The following TMCC1 variants were observed in gnomAD, a reference collection of about 807,000 sequenced individuals.
TMCC1 encodes the protein transmembrane and coiled-coil domains protein 1.
In TMCC1, 15 loss-of-function variants were observed where a neutral mutation model predicts 52.4. The observed-to-expected ratio is 0.29, with a 90% confidence interval of 0.19 to 0.44. The LOEUF is 0.44. Among genes scored for constraint, TMCC1 ranks in the 20% least tolerant of loss-of-function variants. TMCC1 has a pLI of 1.00. For missense variants in TMCC1, 503 were observed against 806.0 expected (o/e 0.62, Z 4.55); for synonymous variants, 279 against 301.9 (o/e 0.92, Z 0.79).
At chr3:129,798,524 CAA>C (rs796919072) in intron 4 of TMCC1, among the ~76,000 whole-genome samples, 7 of 67,898 alleles carry the variant, frequency 1.0e-4, no homozygotes, top group Admixed American at 5.3e-4. Flanking sequence ...TCTTCCTATC[CAA>C]AAAAAAAAAA....
At chr3:129,872,287 T>A (rs1267201753) in intron 2 of TMCC1, among the ~76,000 whole-genome samples, 1 of 152,060 alleles carries the variant, frequency 6.6e-6, no homozygotes, top group Non-Finnish European at 1.5e-5. Context: ...GCACTATAAA[T>A]CCCAGTGAAA....
chr3:129,730,224 T>C (rs976522750), intron 4 of TMCC1, among the ~76,000 whole-genome samples: 1 of 152,158 alleles, frequency 6.6e-6, no homozygotes, highest in Admixed American at 6.5e-5. Context: ...ATATGCAGCA[T>C]GCCCTTTAAT....
chr3:129,706,637 A>T (rs1464848709), intron 4 of TMCC1, among the ~76,000 whole-genome samples: 1 of 152,222 alleles, frequency 6.6e-6, no homozygotes, highest in Non-Finnish European at 1.5e-5. Flanking sequence ...TCAAGTGGAT[A>T]CATTAACACA....
chr3:129,720,605 G>A (rs577806104), intron 4 of TMCC1, among the ~76,000 whole-genome samples: 5 of 152,240 alleles, frequency 3.3e-5, no homozygotes, highest in African/African-American at 7.2e-5. Context: ...ATAATGACAC[G>A]AGGCAAGACC....
chr3:129,870,950 G>GT (rs926353948), intron 2 of TMCC1, among the ~76,000 whole-genome samples: 1 of 151,856 alleles, frequency 6.6e-6, no homozygotes, highest in Non-Finnish European at 1.5e-5. Flanking sequence ...CTGTACCTCT[G>GT]TAAGTGTTCA....
At chr3:129,874,519 T>G (rs1199613115) in intron 2 of TMCC1, among the ~76,000 whole-genome samples, 1 of 151,738 alleles carries the variant, frequency 6.6e-6, no homozygotes, top group Non-Finnish European at 1.5e-5. Flanking sequence ...ATCAGCGTTG[T>G]CAACATAGCA....
At chr3:129,759,598 T>A in intron 4 of TMCC1, among the ~76,000 whole-genome samples, 1 of 150,336 alleles carries the variant, frequency 6.7e-6, no homozygotes, top group African/African-American at 2.4e-5. Context: ...TTTTTTTTTT[T>A]TAAGAGACAT....
intron 5 of TMCC1, among the ~76,000 whole-genome samples, chr3:129,657,110 G>A (rs1468451996): frequency 6.6e-6 from 1 of 152,122 alleles, no homozygotes; most frequent in Non-Finnish European, 1.5e-5. Context: ...ATATCTGGCA[G>A]GAAATTACTC....
intron 2 of TMCC1, among the ~76,000 whole-genome samples, chr3:129,843,794 A>G (rs1386739687): frequency 6.6e-6 from 1 of 151,356 alleles, no homozygotes; most frequent in African/African-American, 2.4e-5. Flanking sequence ...TCGACCAACC[A>G]TTTAAATAAG....
In TMCC1 at chr3:129,677,991, A is replaced by G. The variant is rs186690211; in HGVS notation, c.577-6727T>C. Among the ~76,000 whole-genome samples the G allele has an allele frequency of 2.8e-4, 43 of 152,286 alleles. No individual in the cohort carries two copies. In the East Asian group the frequency reaches 7.3e-3, roughly 26 times the overall value. ...GCCCAGGCTGGGGTGCAGTAGCATG[A>G]TCTTGGCTCACTGCAACCTCTGCCT... On this transcript the variant is annotated intron_variant, in intron 4 of 6. Coordinates refer to ENST00000393238, the MANE Select transcript of TMCC1 (RefSeq NM_001017395.5).
At chr3:129,767,491 C>T (rs2054226954) in intron 4 of TMCC1, among the ~76,000 whole-genome samples, 1 of 151,964 alleles carries the variant, frequency 6.6e-6, no homozygotes, top group Non-Finnish European at 1.5e-5. Flanking sequence ...TCTTGCCTCA[C>T]CCTCTTGAGT....
chr3:129,780,281 C>A (rs535987767), intron 4 of TMCC1, among the ~76,000 whole-genome samples: 5 of 152,152 alleles, frequency 3.3e-5, no homozygotes, highest in Admixed American at 6.5e-5. Context: ...CACATCTTTG[C>A]ACATCACTTT....
At chr3:129,686,574 G>C (rs546992153) in intron 4 of TMCC1, among the ~76,000 whole-genome samples, 2 of 152,306 alleles carry the variant, frequency 1.3e-5, no homozygotes, top group East Asian at 1.9e-4. Context: ...TAAATGCTGG[G>C]TATGTAATGA....
chr3:129,704,204 A>G (rs1407998244), intron 4 of TMCC1, among the ~76,000 whole-genome samples: 1 of 152,206 alleles, frequency 6.6e-6, no homozygotes, highest in African/African-American at 2.4e-5. Context: ...TATGATTTCG[A>G]ATTTAGATAT....
intron 4 of TMCC1, among the ~76,000 whole-genome samples, chr3:129,826,888 A>G (rs2058684790): frequency 6.6e-6 from 1 of 152,320 alleles, no homozygotes; most frequent in Admixed American, 6.5e-5. Context: ...TTGAATGGTA[A>G]CTTACAAGGC....
At chr3:129,880,117 G>A (rs1017476210) in intron 2 of TMCC1, among the ~76,000 whole-genome samples, 192 bp downstream of exon 2, 2 of 152,172 alleles carry the variant, frequency 1.3e-5, no homozygotes, top group African/African-American at 4.8e-5. Context: ...TAGGAAATGA[G>A]CTGTTTCATT....
chr3:129,688,370 T>C (rs748600607), intron 4 of TMCC1: 4 of 985,430 alleles, frequency 4.1e-6, no homozygotes, highest in Non-Finnish European at 4.8e-6. Context: ...TGCACATACT[T>C]GGTTTCCGAG....
chr3:129,787,236 CA>C (rs1441186723), intron 4 of TMCC1, among the ~76,000 whole-genome samples: 45 of 152,204 alleles, frequency 3.0e-4, no homozygotes, highest in Non-Finnish European at 5.4e-4. Context: ...ATTTCAATGA[CA>C]AAAACCTTTG....
chr3:129,817,756 T>C (rs2058173192), intron 4 of TMCC1, among the ~76,000 whole-genome samples: 1 of 152,110 alleles, frequency 6.6e-6, no homozygotes, highest in Admixed American at 6.5e-5. Flanking sequence ...CAAGTGATTC[T>C]CATGCCTCAT....
Sources: gnomAD v4.1 joint callset for allele counts (sites outside exome capture counted in the v4.1 genomes callset) on GRCh38, gnomAD v4.1.1 for gene constraint, MANE v1.5 for transcripts, NCBI Gene and HGNC (gene_info 2026-07-23, HGNC 2026-07-21) for gene names.